ATP8A2: variants seen among roughly 807,000 people sequenced by gnomAD.
ATP8A2 encodes the protein phospholipid-transporting ATPase IB.
In ATP8A2, 100 loss-of-function variants were observed where a neutral mutation model predicts 165.6. That is an observed-to-expected ratio of 0.60 (90% CI 0.51 to 0.71). The LOEUF is 0.71. Among genes scored for constraint, ATP8A2 ranks in the 30% least tolerant of loss-of-function variants. ATP8A2 has a pLI of 0.00. For missense variants in ATP8A2, 1,227 were observed against 1,479.5 expected (o/e 0.83, Z 2.80); for synonymous variants, 543 against 548.8 (o/e 0.99, Z 0.15).
chr13:25,565,409 GT>G (rs1387585378), intron 16 of ATP8A2, among the ~76,000 whole-genome samples: 1 of 152,050 alleles, frequency 6.6e-6, no homozygotes, highest in Admixed American at 6.6e-5. Context: ...TGATTTTTTG[GT>G]TATGGCCATT....
chr13:25,868,780 TC>T lies in ATP8A2; in HGVS notation c.3183+6375del, dbSNP rs560695342. Among the ~76,000 whole-genome samples, 630 of 152,048 alleles carry T rather than the reference TC, an allele frequency of 4.1e-3. 5 individuals are homozygous for T. Among genetic ancestry groups the T allele is most frequent in the African/African-American group, 0.014 (592 of 41,480 alleles). ...CAACACCAGTCCCTTTCTGAGGCAA[TC>T]CCTAGAACCAAAAACAAAACTATAG... On this transcript the variant is annotated intron_variant, in intron 33 of 36. Coordinates refer to ENST00000381655, the MANE Select transcript of ATP8A2 (RefSeq NM_016529.6).
intron 25 of ATP8A2, among the ~76,000 whole-genome samples, chr13:25,731,241 A>AGG (rs1488419885): frequency 1.4e-5 from 2 of 147,902 alleles, no homozygotes; most frequent in African/African-American, 5.0e-5. Flanking sequence ...AAAGAGAGAG[A>AGG]GAGGAAGGAA....
At chr13:25,685,718 G>A (rs2042586755) in intron 24 of ATP8A2, among the ~76,000 whole-genome samples, 1 of 152,190 alleles carries the variant, frequency 6.6e-6, no homozygotes, top group Non-Finnish European at 1.5e-5. Flanking sequence ...TCTGGCACCA[G>A]AGGAGGTCAG....
intron 33 of ATP8A2, among the ~76,000 whole-genome samples, chr13:25,933,014 T>G (rs570505020): frequency 6.6e-6 from 1 of 152,288 alleles, no homozygotes; most frequent in Admixed American, 6.5e-5. Context: ...ACCTCGCTAA[T>G]TTTTGTATAT....
rs143553158 is a variant in ATP8A2, at chr13:25,755,407, T to A, written c.2385-13639T>A. ...GCCCTCCTACTGCTTATCAAAACTG[T>A]TCCCATTATTGCTGCAATCTGATTC... On this transcript the variant is annotated intron_variant, in intron 25 of 36. Coordinates refer to ENST00000381655, the MANE Select transcript of ATP8A2 (RefSeq NM_016529.6). Among the ~76,000 whole-genome samples the A allele has an allele frequency of 4.1e-3, 625 of 152,276 alleles. 4 individuals are homozygous for A. The highest frequency in any genetic ancestry group is 0.014 in the African/African-American group (601 of 41,556).
At chr13:25,638,117 C>G (rs1441223320) in intron 24 of ATP8A2, among the ~76,000 whole-genome samples, 5 of 152,158 alleles carry the variant, frequency 3.3e-5, no homozygotes, top group African/African-American at 9.7e-5. Context: ...ATGTCACCAT[C>G]ATCAAAGACC....
chr13:25,943,363 C>T (rs1343647936), intron 33 of ATP8A2, among the ~76,000 whole-genome samples: 1 of 152,160 alleles, frequency 6.6e-6, no homozygotes, highest in African/African-American at 2.4e-5. Flanking sequence ...ACACATATGA[C>T]CAGGATGGTC....
At chr13:25,670,997 G>C (rs1202359148) in intron 24 of ATP8A2, among the ~76,000 whole-genome samples, 1 of 152,254 alleles carries the variant, frequency 6.6e-6, no homozygotes, top group South Asian at 2.1e-4. Flanking sequence ...GACAGGTATA[G>C]TGGAGCAGTG....
In ATP8A2 at chr13:26,022,608, T is replaced by G. The variant is rs1349656811; in HGVS notation, c.*2623T>G. ...GCCAAATGACTAAATTGGCTGTAAA[T>G]TGGTTTCTAGGAGGAGCAGCTGTCA... On this transcript the variant is annotated 3_prime_UTR_variant, in exon 37 of 37. Coordinates refer to ENST00000381655, the MANE Select transcript of ATP8A2 (RefSeq NM_016529.6). 3 of 152,178 alleles carry G rather than the reference T, an allele frequency of 2.0e-5. No homozygotes were observed. Among genetic ancestry groups the G allele is most frequent in the Non-Finnish European group, 4.4e-5 (3 of 68,032 alleles). The allele number at this position is 152,178 out of a possible 1,614,324, so 9.4% of individuals were successfully genotyped here.
At chr13:25,868,581 C>T (rs1489624368) in intron 33 of ATP8A2, among the ~76,000 whole-genome samples, 1 of 152,182 alleles carries the variant, frequency 6.6e-6, no homozygotes, top group Non-Finnish European at 1.5e-5. Flanking sequence ...AATAGTGAGA[C>T]TCATTTGCAA....
chr13:25,546,017 A>G (rs574516149), intron 10 of ATP8A2, among the ~76,000 whole-genome samples: 1 of 152,314 alleles, frequency 6.6e-6, no homozygotes, highest in Non-Finnish European at 1.5e-5. Flanking sequence ...GCTAGTTTTA[A>G]GATTGTGCAT....
At chr13:25,477,334 T>C (rs1210450718) in intron 2 of ATP8A2, among the ~76,000 whole-genome samples, 1 of 152,254 alleles carries the variant, frequency 6.6e-6, no homozygotes. Context: ...GAAGCATTTA[T>C]GATTTTTGAT....
intron 19 of ATP8A2, 94 bp downstream of exon 19, chr13:25,574,951 A>T: frequency 1.5e-6 from 1 of 648,840 alleles, no homozygotes; most frequent in East Asian, 2.8e-5. Flanking sequence ...ATGATTCAAT[A>T]TATTACTTAA....
intron 1 of ATP8A2, among the ~76,000 whole-genome samples, chr13:25,378,425 G>A (rs542139268): frequency 6.6e-6 from 1 of 151,852 alleles, no homozygotes; most frequent in African/African-American, 2.4e-5. Flanking sequence ...TCCCAGGTGA[G>A]TGTAGAAAAA....
At position 25,787,992 on chromosome 13, in the gene ATP8A2, G is replaced by A. The variant is rs558084730; in HGVS notation, c.2679+13033G>A. 3.9e-5 allele frequency among the ~76,000 whole-genome samples: 6 copies of A among 152,320 alleles called. No individual in the cohort carries two copies. The East Asian group carries it at 5.8e-4, about 15-fold the overall frequency. On this transcript the variant is annotated intron_variant, in intron 27 of 36. Transcript: ENST00000381655. Reference sequence around the variant, plus strand: ...AGAAATGCCAGGACCCACAGACATGGCTTTCCCTGGAACCACTCCTCTGTT... The same window carrying A: ...AGAAATGCCAGGACCCACAGACATGACTTTCCCTGGAACCACTCCTCTGTT...
At chr13:25,402,559 T>A (rs1288071494) in intron 1 of ATP8A2, among the ~76,000 whole-genome samples, 1 of 152,214 alleles carries the variant, frequency 6.6e-6, no homozygotes, top group Non-Finnish European at 1.5e-5. Flanking sequence ...ATTGGTTCAA[T>A]CTAATTCTTT....
chr13:25,853,411 GTATATA>G (rs1307887740), intron 30 of ATP8A2, among the ~76,000 whole-genome samples: 3 of 116,672 alleles, frequency 2.6e-5, no homozygotes, highest in Non-Finnish European at 5.5e-5. Context: ...ATATATATAT[GTATATA>G]TATATAGAAT....
chr13:25,731,322 G>C (rs1404825345), intron 25 of ATP8A2, among the ~76,000 whole-genome samples: 1 of 110,572 alleles, frequency 9.0e-6, no homozygotes, highest in Non-Finnish European at 1.9e-5. Context: ...CGGAAGGAGA[G>C]AGAAAGAGAG....
intron 2 of ATP8A2, among the ~76,000 whole-genome samples, chr13:25,480,982 C>T (rs558121860): frequency 6.6e-6 from 1 of 152,270 alleles, no homozygotes; most frequent in East Asian, 1.9e-4. Context: ...AGCGAAACCC[C>T]GTCTCCACCA....
Sources: allele counts gnomAD v4.1 joint callset (sites outside exome capture counted in the v4.1 genomes callset), GRCh38; gene constraint gnomAD v4.1.1; transcripts MANE v1.5; gene names NCBI Gene and HGNC (gene_info 2026-07-23, HGNC 2026-07-21).